Variants in IFI6 observed in about 807,000 individuals in gnomAD.
IFI6 encodes interferon alpha-inducible protein 6.
Under a neutral mutation model 12.7 loss-of-function variants are expected in IFI6, and 10 were observed. The ratio of observed to expected loss-of-function variants is 0.79; its 90% CI spans 0.49 to 1.33. The LOEUF (loss-of-function observed/expected upper bound fraction) is 1.33, where lower values mean the gene tolerates loss of function less well. IFI6 is among the 40% of genes most tolerant of loss of function. The probability of loss-of-function intolerance (pLI) is 0.00; values close to 1 mark genes in which losing one functional copy is unlikely to be tolerated. For missense variants in IFI6, 154 were observed against 180.4 expected (o/e 0.85, Z 0.84); for synonymous variants, 89 against 86.2 (o/e 1.03, Z -0.18).
In IFI6 at chr1:27,669,254, C is replaced by T. The variant is rs1300741786; in HGVS notation, c.61G>A (p.Val21Met). ...CYLLLFTCSG[V>M]EAGKKKCSES... is the part of the protein sequence containing the mutation. ...TTACCCGCATTCTCACCTGCCTCCA[C>T]CCCACTGCAAGTGAAGAGCAGCAGG... Residue 21 changes from valine to methionine, a missense_variant, in exon 2 of 5, where the codon GTG (valine) becomes ATG (methionine). Coordinates refer to ENST00000361157, the MANE Select transcript of IFI6 (RefSeq NM_002038.4). 1.3e-6 allele frequency: 2 copies of T among 1,551,978 alleles called. No individual in the cohort carries two copies. The highest frequency in any genetic ancestry group is 2.7e-5 in the African/African-American group (2 of 73,190).
At chr1:27,669,792 C>A (rs1196742300) in intron 1 of IFI6, 1 of 156,286 alleles carries the variant, frequency 6.4e-6, no homozygotes, top group Non-Finnish European at 1.4e-5. Context: ...TTGAACAGTG[C>A]CTGACGCATA....
At chr1:27,668,410 G>T (rs774213837) in intron 3 of IFI6, 35 bp from the exon 4 acceptor site, 2 of 1,584,578 alleles carry the variant, frequency 1.3e-6, no homozygotes, top group South Asian at 2.3e-5. Flanking sequence ...GAGCGTCCGC[G>T]GCAGAGGCCC....
chr1:27,666,312 A>AAG lies in IFI6; in HGVS notation c.*68_*69insCT. 1 of 769,222 alleles carries AAG rather than the reference A, an allele frequency of 1.3e-6. No homozygotes were observed. Among genetic ancestry groups the AAG allele is most frequent in the Non-Finnish European group, 2.0e-6 (1 of 489,730 alleles). The allele number at this position is 769,222 out of a possible 1,614,324, so 47.6% of individuals were successfully genotyped here. On this transcript the variant is annotated 3_prime_UTR_variant, in exon 5 of 5. Transcript: ENST00000361157. ...CTCAAAAAAAAAAAAAAAAAAAAAAAGGCAAAGTTCTAGATCCTAACTGGA... is the reference window on the plus strand; with the variant it reads ...CTCAAAAAAAAAAAAAAAAAAAAAAAAGGGCAAAGTTCTAGATCCTAACTGGA...
intron 2 of IFI6, 132 bp from the exon 3 acceptor site, chr1:27,668,667 G>A: frequency 1.4e-6 from 1 of 698,674 alleles, no homozygotes; most frequent in East Asian, 2.7e-5. Context: ...GCCTCACAGA[G>A]GGGAAGGGAC....
chr1:27,668,216 C>A lies in IFI6; in HGVS notation c.298+10G>T. The A allele has an allele frequency of 6.6e-7, 1 of 1,510,832 alleles. No individual in the cohort carries two copies. Among genetic ancestry groups the A allele is most frequent in the East Asian group, 2.4e-5 (1 of 42,008 alleles). The allele number at this position is 1,510,832 out of a possible 1,614,324, so 93.6% of individuals were successfully genotyped here. A position where few individuals can be genotyped will look rare whatever the true frequency, so the allele number is the denominator to read the frequency against. On this transcript the variant is annotated intron_variant, in intron 4 of 4. Coordinates refer to ENST00000361157, the MANE Select transcript of IFI6 (RefSeq NM_002038.4). Reference sequence around the variant, plus strand: ...GAACGTCCCACCAGGGGCCCAGGCCCCGCACTCACCGAGGCTCTGCAGCGT... The same window carrying A: ...GAACGTCCCACCAGGGGCCCAGGCCACGCACTCACCGAGGCTCTGCAGCGT...
In IFI6 at chr1:27,669,328, G is replaced by T. The variant is rs2090386506; in HGVS notation, c.-14C>A. On this transcript the variant is annotated 5_prime_UTR_variant, in exon 2 of 5. Transcript: ENST00000361157. ...CTTCTGCCGCATGGTGGCGCCGCGC[G>T]CGGGCTCCGTCACTAGACCTGCGAA... is the stretch of plus-strand genomic sequence containing the variant. 6.4e-7 allele frequency: 1 copy of T among 1,552,382 alleles called. No homozygotes were observed. The highest frequency in any genetic ancestry group is 8.7e-7 in the Non-Finnish European group (1 of 1,147,200).
intron 1 of IFI6, among the ~76,000 whole-genome samples, chr1:27,671,174 C>A (rs1378566951): frequency 2.0e-5 from 3 of 152,170 alleles, no homozygotes; most frequent in Non-Finnish European, 4.4e-5. Context: ...AAACTCCTCT[C>A]ATGTATTGAG....
At chr1:27,669,489 G>A (rs1045078015) in intron 1 of IFI6, 143 bp from the exon 2 acceptor site, 6 of 595,522 alleles carry the variant, frequency 1.0e-5, no homozygotes, top group Non-Finnish European at 1.8e-5. Context: ...CAGGAGCCTC[G>A]GGAATCCGTT....
chr1:27,667,922 T>A (rs1031792291), intron 4 of IFI6, among the ~76,000 whole-genome samples: 1 of 152,106 alleles, frequency 6.6e-6, no homozygotes, highest in Non-Finnish European at 1.5e-5. Context: ...AATACAAAAA[T>A]TAGCCGGGCG....
intron 2 of IFI6, 108 bp downstream of exon 2, chr1:27,669,137 C>T (rs1418163523): frequency 2.7e-5 from 35 of 1,276,708 alleles, no homozygotes; most frequent in Admixed American, 5.9e-5. Flanking sequence ...GCATCCTTAC[C>T]CGCATCTTTA....
In IFI6 at chr1:27,669,365, G is replaced by A; in HGVS notation, c.-32-19C>T. 1.4e-6 allele frequency: 2 copies of A among 1,400,398 alleles called. No homozygotes were observed. Among genetic ancestry groups the A allele is most frequent in the Non-Finnish European group, 2.0e-6 (2 of 1,010,660 alleles). The allele number at this position is 1,400,398 out of a possible 1,614,324, so 86.7% of individuals were successfully genotyped here. On this transcript the variant is annotated intron_variant, in intron 1 of 4. Transcript: ENST00000361157. ...ACTAGACCTGCGAACGGGCGAGAGG[G>A]AGATGGTCCCCGGAGCATTTTTGGA... is the stretch of plus-strand genomic sequence containing the variant.
chr1:27,669,043 GCATCCTTACC>G (rs1163765176), intron 2 of IFI6, among the ~76,000 whole-genome samples, 192 bp downstream of exon 2: 1 of 2,254 alleles, frequency 4.4e-4, no homozygotes, highest in African/African-American at 7.9e-4. Context: ...ATCCTTACCT[GCATCCTTACC>G]CGCATCCTTA....
chr1:27,667,418 A>G (rs759412522), intron 4 of IFI6, among the ~76,000 whole-genome samples: 4 of 151,990 alleles, frequency 2.6e-5, no homozygotes, highest in Non-Finnish European at 4.4e-5. Flanking sequence ...TTTGACCTTT[A>G]TCTATAATAA....
In IFI6 at chr1:27,668,471, C is replaced by A. The variant is rs777835391; in HGVS notation, c.135G>T (p.Met45Ile). 12 of 1,611,616 alleles carry A rather than the reference C, an allele frequency of 7.4e-6. No individual in the cohort carries two copies. In the South Asian group the frequency reaches 1.2e-4, roughly 16 times the overall value. ...CTCCAGACCCACCTCCTCCGACGGC[C>A]ATGAAGGTCAGGGCCTTCCAGAACC... ...GSGFWKALTF[M>I]AVGGGLAVAG... Residue 45 changes from methionine to isoleucine, a missense_variant, in exon 3 of 5, where the codon ATG becomes ATT. Physicochemically the swap from Met to Ile is conservative, Grantham distance 10. Transcript: ENST00000361157.
At chr1:27,668,673 G>A (rs2090375145) in intron 2 of IFI6, 138 bp from the exon 3 acceptor site, 2 of 674,822 alleles carry the variant, frequency 3.0e-6, no homozygotes, top group Non-Finnish European at 5.1e-6. Flanking sequence ...CAGAGGGGAA[G>A]GGACTTTCCC....
At chr1:27,668,105 C>T in intron 4 of IFI6, 121 bp downstream of exon 4, 1 of 945,978 alleles carries the variant, frequency 1.1e-6, no homozygotes, top group Non-Finnish European at 1.5e-6. Context: ...CACTTAATTC[C>T]TGGTAAACTA....
chr1:27,671,666 G>A (rs774124438), intron 1 of IFI6, among the ~76,000 whole-genome samples: 1 of 151,148 alleles, frequency 6.6e-6, no homozygotes. Context: ...GATTACAGGC[G>A]TGAACCACCA....
At chr1:27,667,461 G>A (rs1338569885) in intron 4 of IFI6, among the ~76,000 whole-genome samples, 1 of 152,100 alleles carries the variant, frequency 6.6e-6, no homozygotes, top group Non-Finnish European at 1.5e-5. Flanking sequence ...CGATAGAAGA[G>A]TCACTGTGAG....
chr1:27,668,085 A>C, intron 4 of IFI6, 141 bp downstream of exon 4: 1 of 866,724 alleles, frequency 1.2e-6, no homozygotes, highest in South Asian at 2.1e-5. Context: ...AAAATAAATA[A>C]ATAAAGAATC....
Sources: gnomAD v4.1 joint callset for allele counts (sites outside exome capture counted in the v4.1 genomes callset) on GRCh38, gnomAD v4.1.1 for gene constraint, MANE v1.5 for transcripts, NCBI Gene and HGNC (gene_info 2026-07-23, HGNC 2026-07-21) for gene names.